The following DLGAP1 variants were observed in gnomAD, a reference collection of about 807,000 sequenced individuals.
The protein encoded by DLGAP1 is disks large-associated protein 1.
A neutral mutation model predicts 90.8 loss-of-function variants in DLGAP1; 11 were observed. The ratio of observed to expected loss-of-function variants is 0.12; its 90% CI spans 0.08 to 0.20. The LOEUF is 0.20. Among genes scored for constraint, DLGAP1 ranks in the 10% least tolerant of loss-of-function variants. DLGAP1 has a pLI of 1.00. For synonymous variants in DLGAP1, 558 were observed against 540.7 expected (o/e 1.03, Z -0.44); for missense variants, 1,050 against 1,333.8 (o/e 0.79, Z 3.31).
At chr18:4,063,967 A>C (rs1269540630) in intron 2 of DLGAP1, among the ~76,000 whole-genome samples, 1 of 152,052 alleles carries the variant, frequency 6.6e-6, no homozygotes, top group African/African-American at 2.4e-5. Flanking sequence ...CTGAGAGCCT[A>C]TGGCCCCCAC....
chr18:3,799,780 C>T (rs1429994613), intron 5 of DLGAP1, among the ~76,000 whole-genome samples: 1 of 152,076 alleles, frequency 6.6e-6, no homozygotes, highest in East Asian at 1.9e-4. Context: ...AACAAAACAC[C>T]TATAAATTTT....
At chr18:3,698,387 C>T (rs2147097488) in intron 7 of DLGAP1, among the ~76,000 whole-genome samples, 1 of 152,186 alleles carries the variant, frequency 6.6e-6, no homozygotes, top group Non-Finnish European at 1.5e-5. Context: ...CTGGTGGTGA[C>T]AAAAATCTCT....
intron 1 of DLGAP1, among the ~76,000 whole-genome samples, chr18:4,428,501 G>A (rs765771693): frequency 2.6e-5 from 4 of 152,120 alleles, no homozygotes; most frequent in Non-Finnish European, 5.9e-5. Context: ...AGAAATGCTT[G>A]AACCTGGGAG....
chr18:3,546,885 A>ATTT (rs2053060340), intron 9 of DLGAP1, among the ~76,000 whole-genome samples: 2 of 152,150 alleles, frequency 1.3e-5, no homozygotes, highest in African/African-American at 4.8e-5. Flanking sequence ...TCAATGAAGG[A>ATTT]GTAAACAGAA....
intron 3 of DLGAP1, among the ~76,000 whole-genome samples, chr18:3,985,584 G>T (rs2149039244): frequency 6.6e-6 from 1 of 151,446 alleles, no homozygotes; most frequent in Non-Finnish European, 1.5e-5. Flanking sequence ...GTTCAATGAA[G>T]AGATATATAC....
intron 2 of DLGAP1, among the ~76,000 whole-genome samples, chr18:4,089,938 A>G (rs772953302): frequency 9.9e-5 from 15 of 152,128 alleles, no homozygotes; most frequent in Non-Finnish European, 1.6e-4. Flanking sequence ...TCAGCTACTC[A>G]GGAGACTGAG....
chr18:4,368,674 CACACACACAT>C (rs1317976851), intron 1 of DLGAP1, among the ~76,000 whole-genome samples: 3 of 147,598 alleles, frequency 2.0e-5, no homozygotes, highest in Non-Finnish European at 4.5e-5. Context: ...CACACACACA[CACACACACAT>C]CCTATTGGTT....
At chr18:4,160,610 A>C (rs1231393668) in intron 1 of DLGAP1, among the ~76,000 whole-genome samples, 2 of 152,200 alleles carry the variant, frequency 1.3e-5, no homozygotes, top group Non-Finnish European at 2.9e-5. Context: ...CAGAGATATT[A>C]AGAAACTCAT....
chr18:3,904,678 C>T (rs573474504), intron 3 of DLGAP1, among the ~76,000 whole-genome samples: 3 of 152,258 alleles, frequency 2.0e-5, no homozygotes, highest in Non-Finnish European at 1.5e-5. Flanking sequence ...GTTTGAGGGA[C>T]ACACAGCCCT....
chr18:4,165,690 C>T (rs1336398931), intron 1 of DLGAP1, among the ~76,000 whole-genome samples: 1 of 152,100 alleles, frequency 6.6e-6, no homozygotes, highest in East Asian at 1.9e-4. Flanking sequence ...GGCTCCCACA[C>T]TTTACTTAAA....
chr18:4,044,735 C>A (rs1272610757), intron 2 of DLGAP1, among the ~76,000 whole-genome samples: 3 of 151,834 alleles, frequency 2.0e-5, no homozygotes, highest in Non-Finnish European at 4.4e-5. Context: ...AGCAAGACTC[C>A]CTCACCAAAA....
chr18:4,327,800 T>C (rs1433256334), intron 1 of DLGAP1, among the ~76,000 whole-genome samples: 1 of 152,000 alleles, frequency 6.6e-6, no homozygotes, highest in Non-Finnish European at 1.5e-5. Flanking sequence ...ACAGTTTTTC[T>C]TTTCTAGAAT....
intron 2 of DLGAP1, among the ~76,000 whole-genome samples, chr18:4,065,140 A>T (rs2075353162): frequency 6.6e-6 from 1 of 151,914 alleles, no homozygotes; most frequent in Non-Finnish European, 1.5e-5. Flanking sequence ...CATTCATGTT[A>T]AAAAAAATCT....
At chr18:4,285,891 T>G (rs968895430) in intron 1 of DLGAP1, among the ~76,000 whole-genome samples, 1 of 152,202 alleles carries the variant, frequency 6.6e-6, no homozygotes, top group African/African-American at 2.4e-5. Context: ...CCACAAGGAC[T>G]CAAATATAGA....
intron 6 of DLGAP1, among the ~76,000 whole-genome samples, chr18:3,741,518 C>T (rs905042886): frequency 9.2e-5 from 14 of 151,736 alleles, no homozygotes; most frequent in African/African-American, 3.1e-4. Flanking sequence ...ATTACCACCA[C>T]CATCACTACC....
At chr18:3,765,338 G>A (rs1325126694) in intron 5 of DLGAP1, among the ~76,000 whole-genome samples, 8 of 150,228 alleles carry the variant, frequency 5.3e-5, no homozygotes, top group African/African-American at 1.7e-4. Context: ...CACCATGTTA[G>A]CCAGGATGGT....
intron 1 of DLGAP1, among the ~76,000 whole-genome samples, chr18:4,343,910 T>C (rs1433656924): frequency 1.3e-5 from 2 of 152,240 alleles, no homozygotes; most frequent in African/African-American, 4.8e-5. Flanking sequence ...TAAAAGAACT[T>C]GTCCTTGGAG....
intron 1 of DLGAP1, among the ~76,000 whole-genome samples, chr18:4,306,505 G>T (rs1397666595): frequency 1.3e-5 from 2 of 151,630 alleles, no homozygotes; most frequent in African/African-American, 2.4e-5. Context: ...AAGAAGAAAG[G>T]AGGGAAAGGG....
At chr18:4,400,858 A>G (rs191757280) in intron 1 of DLGAP1, among the ~76,000 whole-genome samples, 445 of 152,312 alleles carry the variant, frequency 2.9e-3, no homozygotes, top group Non-Finnish European at 4.4e-3. Flanking sequence ...CTCCTGCTAT[A>G]GAACAATCCA....
Sources: gnomAD v4.1 joint callset for allele counts (sites outside exome capture counted in the v4.1 genomes callset) on GRCh38, gnomAD v4.1.1 for gene constraint, MANE v1.5 for transcripts, NCBI Gene and HGNC (gene_info 2026-07-23, HGNC 2026-07-21) for gene names.